Variants in MTHFD1L observed in about 807,000 individuals in gnomAD.
MTHFD1L encodes the protein monofunctional C1-tetrahydrofolate synthase, mitochondrial.
MTHFD1L carries 81 observed loss-of-function variants against 119.5 expected under a neutral mutation model. The ratio of observed to expected loss-of-function variants is 0.68; its 90% CI spans 0.57 to 0.82. MTHFD1L has a LOEUF of 0.82. MTHFD1L is among the 40% of genes least tolerant of loss of function. The pLI, the probability that MTHFD1L is intolerant of heterozygous loss-of-function variation, is 0.00. For synonymous variants in MTHFD1L, 430 were observed against 475.2 expected (o/e 0.90, Z 1.24); for missense variants, 1,125 against 1,253.4 (o/e 0.90, Z 1.55).
chr6:150,949,870 G>A (rs112351943), intron 16 of MTHFD1L, among the ~76,000 whole-genome samples: 30 of 152,260 alleles, frequency 2.0e-4, no homozygotes, highest in African/African-American at 6.5e-4. Flanking sequence ...TGTTCTTGGC[G>A]TTGGAGATGG....
chr6:151,042,296 A>T (rs7765575), intron 26 of MTHFD1L, among the ~76,000 whole-genome samples: 1 of 152,028 alleles, frequency 6.6e-6, no homozygotes, highest in Non-Finnish European at 1.5e-5. Flanking sequence ...TTTTTATGAC[A>T]TGATACATAT....
At chr6:150,964,636 A>G (rs1393935081) in intron 18 of MTHFD1L, among the ~76,000 whole-genome samples, 1 of 152,190 alleles carries the variant, frequency 6.6e-6, no homozygotes, top group African/African-American at 2.4e-5. Context: ...ATGAAAATAC[A>G]CTGTGCATAA....
chr6:151,089,197 G>A (rs1318104356), intron 26 of MTHFD1L, among the ~76,000 whole-genome samples: 1 of 152,158 alleles, frequency 6.6e-6, no homozygotes, highest in Non-Finnish European at 1.5e-5. Flanking sequence ...TTTCAGGGGT[G>A]GGGCAGCATC....
rs186064666 is a variant in MTHFD1L, at chr6:150,897,073, C to T, written c.781-8577C>T. Reference sequence around the variant, plus strand: ...TGGAGCTTGCAGTGAGCCGAGATCGCGCCACTGCACTCCAGCCTGGGCAAT... The same window carrying T: ...TGGAGCTTGCAGTGAGCCGAGATCGTGCCACTGCACTCCAGCCTGGGCAAT... On this transcript the variant is annotated intron_variant, in intron 7 of 27. Coordinates refer to ENST00000367321, the MANE Select transcript of MTHFD1L (RefSeq NM_015440.5). 5.1e-4 allele frequency among the ~76,000 whole-genome samples: 78 copies of T among 152,080 alleles called. 1 individual carries two copies. In the East Asian group the frequency reaches 0.011, roughly 21 times the overall value.
intron 26 of MTHFD1L, among the ~76,000 whole-genome samples, chr6:151,075,840 TAC>T (rs1430155875): frequency 1.3e-5 from 2 of 152,186 alleles, no homozygotes; most frequent in East Asian, 1.9e-4. Context: ...GGAAATAAGC[TAC>T]AGAGTGGGAG....
intron 11 of MTHFD1L, among the ~76,000 whole-genome samples, chr6:150,932,819 G>GAAGGAAGGAAGGAAGGAAGGAAGGA (rs1562404955): frequency 8.1e-6 from 1 of 123,364 alleles, no homozygotes; most frequent in Non-Finnish European, 1.7e-5. Context: ...AGGGAGGGAG[G>GAAGGAAGGAAGGAAGGAAGGAAGGA]AAGGAAGGAA....
At chr6:151,030,860 A>G (rs1739618548) in intron 24 of MTHFD1L, among the ~76,000 whole-genome samples, 1 of 152,182 alleles carries the variant, frequency 6.6e-6, no homozygotes, top group East Asian at 1.9e-4. Flanking sequence ...ACCATTCTTT[A>G]TTCTTCAGCT....
intron 8 of MTHFD1L, among the ~76,000 whole-genome samples, chr6:150,906,436 T>G (rs1232926899): frequency 2.0e-5 from 3 of 151,812 alleles, no homozygotes; most frequent in Non-Finnish European, 2.9e-5. Flanking sequence ...CGGCCCAGAG[T>G]GGGTTCCTTT....
chr6:150,877,789 C>T lies in MTHFD1L; in HGVS notation c.380C>T (p.Thr127Ile), dbSNP rs748567775. Residue 127 changes from threonine (T) to isoleucine (I), a missense_variant, in exon 4 of 28, where the codon ACT becomes ATT. By Grantham distance (89) the Thr-to-Ile change is moderately conservative. Transcript: ENST00000367321. Reference protein sequence around the residue: ...NLAEEAGLNITHICLPPDSSE... With the variant: ...NLAEEAGLNIIHICLPPDSSE... The stretch of plus-strand genomic sequence containing the variant: ...CTTTTTCAGGCTGGTCTGAACATCA[C>T]TCACATTTGCCTCCCTCCAGATAGC... 1 of 1,614,208 alleles carries T rather than the reference C, an allele frequency of 6.2e-7. No homozygotes were observed. The highest frequency in any genetic ancestry group is 1.1e-5 in the South Asian group (1 of 91,088).
At chr6:151,100,002 AAAAG>A in intron 27 of MTHFD1L, 2 of 762,078 alleles carry the variant, frequency 2.6e-6, no homozygotes, top group Non-Finnish European at 4.4e-6. Context: ...CCTTTAAAAA[AAAAG>A]AAAAGAAAGA....
intron 27 of MTHFD1L, among the ~76,000 whole-genome samples, chr6:151,096,701 G>A (rs777112687): frequency 1.3e-5 from 2 of 152,200 alleles, no homozygotes; most frequent in Non-Finnish European, 2.9e-5. Flanking sequence ...ACCCAGGTGC[G>A]GAGCAGCACA....
intron 24 of MTHFD1L, among the ~76,000 whole-genome samples, chr6:151,032,825 C>T (rs900811939): frequency 2.6e-5 from 4 of 152,126 alleles, no homozygotes; most frequent in African/African-American, 9.7e-5. Context: ...ATGTTCCAGA[C>T]CACAGAACAC....
At chr6:150,882,524 GA>G (rs1284583058) in intron 4 of MTHFD1L, among the ~76,000 whole-genome samples, 4 of 152,142 alleles carry the variant, frequency 2.6e-5, no homozygotes, top group Non-Finnish European at 5.9e-5. Context: ...GAAAGGCAGA[GA>G]AGTCACTAAA....
chr6:150,997,111 C>T (rs1298811036), intron 20 of MTHFD1L, among the ~76,000 whole-genome samples: 1 of 152,208 alleles, frequency 6.6e-6, no homozygotes, highest in East Asian at 1.9e-4. Flanking sequence ...TGTCCCAGCT[C>T]TGTCCCAGCT....
rs1782596962 is a variant in MTHFD1L at position 150,887,977 on chromosome 6, G to A, written c.776G>A (p.Ser259Asn). Residue 259 changes from serine (S) to asparagine (N), a missense_variant, in exon 7 of 28, where the codon AGC becomes AAC. Coordinates refer to ENST00000367321, the MANE Select transcript of MTHFD1L (RefSeq NM_015440.5). Reference protein sequence around the residue: ...SIQWKTRQLQSKLHEADIVVL... With the variant: ...SIQWKTRQLQNKLHEADIVVL... ...CAGTGGAAAACACGCCAGCTTCAAAGCAAGGTAAATTTCATGTTAGAAACA... is the reference window on the plus strand; with the variant it reads ...CAGTGGAAAACACGCCAGCTTCAAAACAAGGTAAATTTCATGTTAGAAACA... 1 of 1,598,012 alleles carries A rather than the reference G, an allele frequency of 6.3e-7. No individual in the cohort carries two copies. Among genetic ancestry groups the A allele is most frequent in the South Asian group, 1.1e-5 (1 of 87,060 alleles).
At chr6:151,000,878 C>T (rs9478904) in intron 20 of MTHFD1L, among the ~76,000 whole-genome samples, 35,017 of 152,178 alleles carry the variant, frequency 0.23, 4,112 homozygotes, top group Middle Eastern at 0.31. Context: ...GAATGAGGTA[C>T]TGTCCAGCAT....
chr6:150,899,980 T>A (rs542618830), intron 7 of MTHFD1L, among the ~76,000 whole-genome samples: 17 of 147,924 alleles, frequency 1.1e-4, no homozygotes, highest in Admixed American at 5.4e-4. Flanking sequence ...CAAAAAAAAA[T>A]AGATATATAT....
At chr6:150,887,005 A>G (rs6917176) in intron 6 of MTHFD1L, among the ~76,000 whole-genome samples, 7,374 of 151,792 alleles carry the variant, frequency 0.049, 615 homozygotes, top group African/African-American at 0.17. Context: ...AAAAAAAAAA[A>G]AAAAGAAAAG....
chr6:151,008,316 C>T (rs765608617), intron 20 of MTHFD1L, among the ~76,000 whole-genome samples: 10 of 152,200 alleles, frequency 6.6e-5, no homozygotes, highest in Non-Finnish European at 7.3e-5. Context: ...CCGCCAGTTC[C>T]GATCGGTGTC....
Sources: allele counts gnomAD v4.1 joint callset (sites outside exome capture counted in the v4.1 genomes callset), GRCh38; gene constraint gnomAD v4.1.1; transcripts MANE v1.5; gene names NCBI Gene and HGNC (gene_info 2026-07-23, HGNC 2026-07-21).